The following ACACA variants were observed in gnomAD, a reference collection of about 807,000 sequenced individuals.
ACACA encodes acetyl-CoA carboxylase alpha.
In ACACA, 103 loss-of-function variants were observed where a neutral mutation model predicts 296.1. That is an observed-to-expected ratio of 0.35 (90% confidence interval 0.30 to 0.41). The LOEUF is 0.41. ACACA is among the 10% of genes least tolerant of loss of function. The probability of loss-of-function intolerance (pLI) is 1.00; values close to 1 mark genes in which losing one functional copy is unlikely to be tolerated. For missense variants in ACACA, 1,554 were observed against 2,989.7 expected (o/e 0.52, Z 11.20); for synonymous variants, 953 against 1,038.6 (o/e 0.92, Z 1.58).
At chr17:37,174,666 G>A (rs1233424446) in intron 41 of ACACA, among the ~76,000 whole-genome samples, 1 of 151,964 alleles carries the variant, frequency 6.6e-6, no homozygotes, top group Non-Finnish European at 1.5e-5. Flanking sequence ...CCAAGTAGCT[G>A]GGACTACAGG....
Position 37,283,353 on chromosome 17 carries a change from C to T in ACACA, c.524G>A (p.Arg175His), listed in dbSNP as rs2082630740. The change falls in exon 5 of 56, where the codon CGT (arginine) becomes CAT (histidine). Residue 175 changes from arginine to histidine, a missense_variant. Around this residue, in one of 16 missense-constraint regions of ACACA, gnomAD observed 40 missense variants for 92.2 expected, o/e 0.43. Transcript: ENST00000616317. ...IAAVKCMRSI[R>H]RWSYEMFRNE... The stretch of plus-strand genomic sequence containing the variant: ...TCGAAACATTTCATAAGACCACCTA[C>T]GGATAGACCGCATGCATTTCACTGC... The T allele has an allele frequency of 1.2e-6, 2 of 1,614,040 alleles. No individual in the cohort carries two copies. Among genetic ancestry groups the T allele is most frequent in the Non-Finnish European group, 1.7e-6 (2 of 1,179,996 alleles).
chr17:37,350,324 G>A (rs375259702), intron 1 of ACACA, among the ~76,000 whole-genome samples: 4 of 147,772 alleles, frequency 2.7e-5, no homozygotes, highest in Admixed American at 6.8e-5. Flanking sequence ...TAGTGAACCC[G>A]TCTCAAAAAA....
At chr17:37,277,851 A>G in intron 6 of ACACA, 45 bp downstream of exon 6, 2 of 1,471,844 alleles carry the variant, frequency 1.4e-6, no homozygotes, top group South Asian at 2.3e-5. Context: ...GCCTAACTAT[A>G]AAATGGCTGA....
intron 3 of ACACA, among the ~76,000 whole-genome samples, chr17:37,295,600 C>T (rs2083288855): frequency 6.6e-6 from 1 of 151,866 alleles, no homozygotes; most frequent in Non-Finnish European, 1.5e-5. Context: ...ACCAGCCTAG[C>T]CAACATGTTG....
At chr17:37,358,166 A>G (rs1245208624) in intron 1 of ACACA, among the ~76,000 whole-genome samples, 2 of 152,160 alleles carry the variant, frequency 1.3e-5, no homozygotes. Context: ...AAATGTCTCT[A>G]TAGAACCCAC....
intron 1 of ACACA, among the ~76,000 whole-genome samples, chr17:37,358,615 C>G (rs971046681): frequency 6.6e-6 from 1 of 152,192 alleles, no homozygotes. Context: ...CTCCCTCTCC[C>G]GAGCCCAGAA....
chr17:37,174,731 C>T (rs538557953), intron 41 of ACACA, among the ~76,000 whole-genome samples: 1 of 151,986 alleles, frequency 6.6e-6, no homozygotes, highest in African/African-American at 2.4e-5. Flanking sequence ...CAGGGTTTCA[C>T]CATGTGGGCC....
intron 43 of ACACA, 86 bp from the exon 44 acceptor site, chr17:37,151,507 TA>T: frequency 1.3e-6 from 2 of 1,524,032 alleles, no homozygotes. Context: ...AAAAGGCGGC[TA>T]AAAGTGTATT....
At chr17:37,392,047 T>C (rs2050906683) in intron 1 of ACACA, 1 of 276,946 alleles carries the variant, frequency 3.6e-6, no homozygotes, top group East Asian at 6.4e-5. Context: ...AAACACAGCC[T>C]CTAAGAAACA....
intron 52 of ACACA, among the ~76,000 whole-genome samples, chr17:37,101,159 G>A (rs1285643333): frequency 6.6e-6 from 1 of 151,782 alleles, no homozygotes; most frequent in African/African-American, 2.4e-5. Flanking sequence ...GCATATGTGT[G>A]TGGAGCAAGA....
intron 16 of ACACA, 66 bp downstream of exon 16, chr17:37,251,939 T>G: frequency 1.9e-5 from 27 of 1,427,548 alleles, no homozygotes; most frequent in South Asian, 2.3e-5. Context: ...AATGGGTCTT[T>G]GAGCTTCAGT....
At chr17:37,277,805 C>T in intron 6 of ACACA, 91 bp downstream of exon 6, 1 of 1,015,420 alleles carries the variant, frequency 9.8e-7, no homozygotes, top group Non-Finnish European at 1.5e-6. Context: ...GAAAATGATG[C>T]TTTACAAAAA....
intron 42 of ACACA, among the ~76,000 whole-genome samples, chr17:37,157,778 C>G (rs2076310125): frequency 6.6e-6 from 1 of 151,824 alleles, no homozygotes; most frequent in Non-Finnish European, 1.5e-5. Context: ...TCAAGTTGAT[C>G]CATCTGCCTC....
chr17:37,384,569 A>T (rs952789332), intron 1 of ACACA, among the ~76,000 whole-genome samples: 1 of 152,228 alleles, frequency 6.6e-6, no homozygotes, highest in Non-Finnish European at 1.5e-5. Flanking sequence ...GATTAAAAAA[A>T]AAAACACAGA....
intron 33 of ACACA, among the ~76,000 whole-genome samples, chr17:37,202,318 C>A (rs988956055): frequency 9.9e-5 from 15 of 152,082 alleles, no homozygotes; most frequent in Non-Finnish European, 1.9e-4. Flanking sequence ...AGCAGAGCAA[C>A]AGGATTCTGA....
intron 54 of ACACA, among the ~76,000 whole-genome samples, chr17:37,093,313 T>G (rs928022433): frequency 6.6e-6 from 1 of 152,168 alleles, no homozygotes; most frequent in Non-Finnish European, 1.5e-5. Flanking sequence ...TGTGGGAACA[T>G]GAGAGCATGC....
At chr17:37,158,698 A>C (rs1457268667) in intron 42 of ACACA, among the ~76,000 whole-genome samples, 2 of 152,128 alleles carry the variant, frequency 1.3e-5, no homozygotes, top group Non-Finnish European at 2.9e-5. Context: ...AAAGAGGAGT[A>C]GTCCAGGGAC....
rs2072241703 is a variant in ACACA, at chr17:37,086,922, G to GC, written c.*393_*394insG. On this transcript the variant is annotated 3_prime_UTR_variant, in exon 56 of 56. Coordinates refer to ENST00000616317, the MANE Select transcript of ACACA (RefSeq NM_198834.3). Reference sequence around the variant, plus strand: ...GGCTCATGGGGCCAGGAGTGAGGGGGGCTGCTCACTGCTGGGCAACTCCTC... The same window carrying GC: ...GGCTCATGGGGCCAGGAGTGAGGGGGCGCTGCTCACTGCTGGGCAACTCCTC... 1 of 314,726 alleles carries GC rather than the reference G, an allele frequency of 3.2e-6. No individual in the cohort carries two copies. Among genetic ancestry groups the GC allele is most frequent in the African/African-American group, 2.1e-5 (1 of 46,874 alleles). The allele number at this position is 314,726 out of a possible 1,614,324, so 19.5% of individuals were successfully genotyped here.
chr17:37,278,317 C>G (rs2082360491), intron 5 of ACACA, among the ~76,000 whole-genome samples: 1 of 152,118 alleles, frequency 6.6e-6, no homozygotes. Flanking sequence ...GTTAGGGGCC[C>G]AAGTGCAATT....
Sources: gnomAD v4.1 joint callset for allele counts (sites outside exome capture counted in the v4.1 genomes callset) on GRCh38, gnomAD v4.1.1 for gene constraint, gnomAD v4.1.1 regional missense constraint, MANE v1.5 for transcripts, NCBI Gene and HGNC (gene_info 2026-07-23, HGNC 2026-07-21) for gene names.